DMD: variants seen among roughly 807,000 people sequenced by gnomAD.
DMD encodes mutant dystrophin.
A neutral mutation model predicts 330.1 loss-of-function variants in DMD; 63 were observed. The observed-to-expected ratio is 0.19, with a 90% CI of 0.16 to 0.24. The LOEUF is 0.24. DMD is among the 10% of genes least tolerant of loss of function. DMD has a pLI of 1.00. For missense variants in DMD, 3,344 were observed against 2,684.1 expected, an observed-to-expected ratio of 1.25 and a Z score of -5.43; for synonymous variants, 1,223 against 959.8, an observed-to-expected ratio of 1.27 and a Z score of -5.07.
rs1199415784 is a variant in DMD at position 32,054,667 on chromosome X, C to T, written c.6439-86153G>A. On this transcript the variant is annotated intron_variant, in intron 44 of 78. Transcript: ENST00000357033. Reference sequence around the variant, plus strand: ...ATTTGCTTACATATCCCCGAGGCACCATACAGGACATTGCTGATACTATGG... The same window carrying T: ...ATTTGCTTACATATCCCCGAGGCACTATACAGGACATTGCTGATACTATGG... 2.8e-5 allele frequency among the ~76,000 whole-genome samples: 3 copies of T among 108,864 alleles called. No individual in the cohort carries two copies. The East Asian group carries it at 8.8e-4, about 32-fold the overall frequency. The allele number at this position is 108,864 out of a possible 115,157, so 94.5% of individuals were successfully genotyped here. A position where few individuals can be genotyped will look rare whatever the true frequency, so the allele number is the denominator to read the frequency against.
chrX:32,135,776 C>G (rs2096721763), intron 44 of DMD, among the ~76,000 whole-genome samples: 1 of 112,394 alleles, frequency 8.9e-6, no homozygotes, highest in South Asian at 3.7e-4. Context: ...TAGGCTAGCT[C>G]AAATACTTAA....
At chrX:31,578,152 T>A (rs1980087619) in intron 55 of DMD, among the ~76,000 whole-genome samples, 2 of 111,789 alleles carry the variant, frequency 1.8e-5, no homozygotes, top group African/African-American at 6.5e-5. Flanking sequence ...TTAAACTTAC[T>A]GGAGAACATT....
intron 7 of DMD, among the ~76,000 whole-genome samples, chrX:32,784,008 G>T (rs900104471): frequency 6.4e-4 from 13 of 20,171 alleles, no homozygotes; most frequent in African/African-American, 1.9e-3. Context: ...AGCGGGGGTG[G>T]GGGGGGGAAA....
At chrX:32,361,003 G>C (rs1210996754) in intron 37 of DMD, among the ~76,000 whole-genome samples, 1 of 110,407 alleles carries the variant, frequency 9.1e-6, no homozygotes, top group South Asian at 3.9e-4. Flanking sequence ...GGCTGGGTCT[G>C]TCACATCTGT....
At chrX:32,485,230 C>A (rs1366318486) in intron 20 of DMD, 131 bp from the exon 21 acceptor site, 2 of 606,171 alleles carry the variant, frequency 3.3e-6, no homozygotes, top group African/African-American at 2.2e-5. Context: ...TAAGAAACAT[C>A]CATGACAGTA....
At chrX:32,050,433 G>A (rs923730729) in intron 44 of DMD, among the ~76,000 whole-genome samples, 47 of 111,546 alleles carry the variant, frequency 4.2e-4, no homozygotes, top group African/African-American at 1.5e-3. Flanking sequence ...AAATTTAACT[G>A]CTGTGTACAT....
chrX:32,690,333 C>T (rs1378966917), intron 9 of DMD, among the ~76,000 whole-genome samples: 1 of 111,158 alleles, frequency 9.0e-6, no homozygotes, highest in African/African-American at 3.3e-5. Context: ...AACTATAAAA[C>T]ATTGATGAAA....
At chrX:32,936,299 T>C (rs973562472) in intron 2 of DMD, among the ~76,000 whole-genome samples, 6 of 111,027 alleles carry the variant, frequency 5.4e-5, no homozygotes, top group Admixed American at 4.8e-4. Context: ...TTAGTAGAGA[T>C]GGGCTTTTTC....
At chrX:31,295,360 T>C (rs2054101445) in intron 62 of DMD, among the ~76,000 whole-genome samples, 1 of 110,953 alleles carries the variant, frequency 9.0e-6, no homozygotes, top group African/African-American at 3.3e-5. Flanking sequence ...ATAACAGCTT[T>C]ATTGACATTT....
At chrX:32,134,532 G>C (rs1311824621) in intron 44 of DMD, among the ~76,000 whole-genome samples, 1 of 110,648 alleles carries the variant, frequency 9.0e-6, no homozygotes, top group African/African-American at 3.3e-5. Context: ...CAGAAGCGGG[G>C]ATGTAAACAA....
chrX:31,812,422 TG>T (rs1272389258), intron 50 of DMD, among the ~76,000 whole-genome samples: 1 of 37,192 alleles, frequency 2.7e-5, no homozygotes, highest in African/African-American at 1.2e-4. Context: ...TGCTGTGGGG[TG>T]GGGGGAGGGG....
At chrX:32,597,233 T>C (rs1381187462) in intron 12 of DMD, among the ~76,000 whole-genome samples, 1 of 111,919 alleles carries the variant, frequency 8.9e-6, no homozygotes, top group East Asian at 2.8e-4. Context: ...ATTCACCATT[T>C]CTGTCATTTT....
At chrX:31,141,049 C>A (rs1314527434) in intron 76 of DMD, among the ~76,000 whole-genome samples, 1 of 110,862 alleles carries the variant, frequency 9.0e-6, no homozygotes, top group African/African-American at 3.3e-5. Flanking sequence ...GAAAAAGTAG[C>A]CAGGCATGGT....
chrX:31,311,072 G>A (rs778705941), intron 62 of DMD, among the ~76,000 whole-genome samples: 1 of 111,706 alleles, frequency 9.0e-6, no homozygotes, highest in African/African-American at 3.2e-5. Context: ...TAAGAATAAA[G>A]TATCATTCTG....
At chrX:31,604,750 G>A (rs1167095929) in intron 55 of DMD, among the ~76,000 whole-genome samples, 1 of 111,616 alleles carries the variant, frequency 9.0e-6, no homozygotes, top group Admixed American at 9.6e-5. Flanking sequence ...AACCATACAG[G>A]GAAAAAGAGT....
chrX:32,915,392 A>G (rs1378411736), intron 2 of DMD, among the ~76,000 whole-genome samples: 1 of 112,145 alleles, frequency 8.9e-6, no homozygotes, highest in East Asian at 2.8e-4. Context: ...TTTTTAGGCG[A>G]CCGCTTACAT....
intron 47 of DMD, among the ~76,000 whole-genome samples, chrX:31,887,908 T>C (rs964624094): frequency 1.8e-5 from 2 of 112,315 alleles, no homozygotes; most frequent in Non-Finnish European, 3.8e-5. Flanking sequence ...AATCAATCAT[T>C]CGCTAATAAA....
intron 54 of DMD, among the ~76,000 whole-genome samples, chrX:31,646,722 T>A (rs912015663): frequency 4.5e-5 from 5 of 112,038 alleles, no homozygotes; most frequent in Non-Finnish European, 9.4e-5. Flanking sequence ...CCCAGGACCA[T>A]TAACTCTCTA....
chrX:32,667,420 G>C (rs934564517), intron 9 of DMD, among the ~76,000 whole-genome samples: 1 of 111,966 alleles, frequency 8.9e-6, no homozygotes, highest in South Asian at 3.7e-4. Context: ...TGAATAAATT[G>C]TTGAGCTTAG....
Sources: allele counts gnomAD v4.1 joint callset (sites outside exome capture counted in the v4.1 genomes callset), GRCh38; gene constraint gnomAD v4.1.1; transcripts MANE v1.5; gene names NCBI Gene and HGNC (gene_info 2026-07-23, HGNC 2026-07-21).